Variants in OR1J2 observed in about 807,000 individuals in gnomAD.
OR1J2 encodes the protein olfactory receptor 1J2.
For missense variants in OR1J2, 304 were observed against 246.1 expected, an observed-to-expected ratio of 1.24 and a Z score of -1.57; for synonymous variants, 142 against 99.7, an observed-to-expected ratio of 1.42 and a Z score of -2.52.
the OR1J2 span, among the ~76,000 whole-genome samples, chr9:122,482,572 T>A: frequency 6.6e-6 from 1 of 152,218 alleles, no homozygotes; most frequent in Non-Finnish European, 1.5e-5. Context: ...GCATGTTTAT[T>A]GCAGCACTAT....
At chr9:122,457,666 G>A in the OR1J2 span, among the ~76,000 whole-genome samples, 2 of 151,936 alleles carry the variant, frequency 1.3e-5, no homozygotes, top group Non-Finnish European at 2.9e-5. Flanking sequence ...AAAAATATGG[G>A]CAAAGAACTA....
At chr9:122,526,475 A>G in the OR1J2 span, 5 of 1,567,974 alleles carry the variant, frequency 3.2e-6, no homozygotes, top group Non-Finnish European at 4.3e-6. Flanking sequence ...TGTACATTGC[A>G]GCTGCTGCAA....
At chr9:122,553,994 G>A in the OR1J2 span, 6 of 1,613,728 alleles carry the variant, frequency 3.7e-6, no homozygotes, top group Non-Finnish European at 5.1e-6. Flanking sequence ...TTATGGGTGT[G>A]TATTTACTTC....
At chr9:122,568,349 G>T in the OR1J2 span, 3 of 1,614,116 alleles carry the variant, frequency 1.9e-6, no homozygotes, top group South Asian at 2.2e-5. Flanking sequence ...TGATGAGCAG[G>T]TTCCCTGTTA....
At chr9:122,458,863 C>CTGAA in the OR1J2 span, among the ~76,000 whole-genome samples, 1 of 151,756 alleles carries the variant, frequency 6.6e-6, no homozygotes, top group Non-Finnish European at 1.5e-5. Context: ...TCTTTCTGAA[C>CTGAA]TTCAATTACA....
the OR1J2 span, among the ~76,000 whole-genome samples, chr9:122,538,059 AT>A: frequency 6.6e-6 from 1 of 151,910 alleles, no homozygotes; most frequent in Non-Finnish European, 1.5e-5. Flanking sequence ...GGAATTTTCC[AT>A]TGTGGGCATG....
At chr9:122,572,445 T>C in the OR1J2 span, among the ~76,000 whole-genome samples, 2 of 152,132 alleles carry the variant, frequency 1.3e-5, no homozygotes, top group African/African-American at 4.8e-5. Context: ...GACATGAGGA[T>C]CACCCATGCT....
the OR1J2 span, among the ~76,000 whole-genome samples, chr9:122,503,412 G>A: frequency 6.6e-6 from 1 of 152,330 alleles, no homozygotes; most frequent in East Asian, 1.9e-4. Context: ...AGTGGCAGCA[G>A]CTAGTTCATC....
At chr9:122,487,058 GTGT>G in the OR1J2 span, among the ~76,000 whole-genome samples, 9 of 152,190 alleles carry the variant, frequency 5.9e-5, no homozygotes, top group East Asian at 1.9e-4. Flanking sequence ...ACCCTGGCCA[GTGT>G]TGTTGTTGAT....
the OR1J2 span, among the ~76,000 whole-genome samples, chr9:122,523,869 A>T: frequency 5.3e-5 from 8 of 152,160 alleles, no homozygotes; most frequent in Admixed American, 2.6e-4. Flanking sequence ...CTATCATGCT[A>T]CCTCTCTCCA....
At chr9:122,562,542 C>T in the OR1J2 span, among the ~76,000 whole-genome samples, 1 of 152,286 alleles carries the variant, frequency 6.6e-6, no homozygotes, top group African/African-American at 2.4e-5. Context: ...TCACTCACCA[C>T]CTCCCTTGGC....
At chr9:122,529,865 G>C in the OR1J2 span, among the ~76,000 whole-genome samples, 1 of 152,116 alleles carries the variant, frequency 6.6e-6, no homozygotes, top group Non-Finnish European at 1.5e-5. Flanking sequence ...GCCCACCTGC[G>C]ACTGTTTGTC....
At chr9:122,484,452 G>A in the OR1J2 span, among the ~76,000 whole-genome samples, 5 of 152,162 alleles carry the variant, frequency 3.3e-5, no homozygotes, top group Admixed American at 1.3e-4. Flanking sequence ...GAGCCACTGC[G>A]CCTGGCGAAT....
At chr9:122,537,392 T>A in the OR1J2 span, among the ~76,000 whole-genome samples, 1 of 152,212 alleles carries the variant, frequency 6.6e-6, no homozygotes, top group African/African-American at 2.4e-5. Flanking sequence ...GCTGCCTGTC[T>A]TTGGGTTAAC....
At chr9:122,527,259 A>T in the OR1J2 span, 1 of 1,612,136 alleles carries the variant, frequency 6.2e-7, no homozygotes, top group Admixed American at 1.7e-5. Context: ...TATTCCTCGG[A>T]GGAAAAATTC....
chr9:122,517,251 C>G, the OR1J2 span, among the ~76,000 whole-genome samples: 1 of 152,190 alleles, frequency 6.6e-6, no homozygotes, highest in African/African-American at 2.4e-5. Context: ...ATACTACCCT[C>G]AGACACTAGG....
chr9:122,536,060 C>T, the OR1J2 span, among the ~76,000 whole-genome samples: 16 of 152,092 alleles, frequency 1.1e-4, no homozygotes, highest in Non-Finnish European at 1.9e-4. Context: ...GGTGGAATGT[C>T]ATCAGTTAAG....
the OR1J2 span, among the ~76,000 whole-genome samples, chr9:122,557,587 A>G: frequency 6.6e-6 from 1 of 151,988 alleles, no homozygotes; most frequent in Non-Finnish European, 1.5e-5. Context: ...TTCTTTTTGT[A>G]CATTCTTGGA....
the OR1J2 span, among the ~76,000 whole-genome samples, chr9:122,542,472 G>A: frequency 3.3e-5 from 5 of 152,152 alleles, no homozygotes; most frequent in East Asian, 7.7e-4. Flanking sequence ...CAGTTGCCCT[G>A]TATTTTCAAC....
Sources: gnomAD v4.1 joint callset for allele counts (sites outside exome capture counted in the v4.1 genomes callset) on GRCh38, gnomAD v4.1.1 for gene constraint, MANE v1.5 for transcripts, NCBI Gene and HGNC (gene_info 2026-07-23, HGNC 2026-07-21) for gene names.